The following SCAI variants were observed in gnomAD, a reference collection of about 807,000 sequenced individuals.
SCAI encodes the protein protein SCAI.
A neutral mutation model predicts 92.2 loss-of-function variants in SCAI; 24 were observed. The ratio of observed to expected loss-of-function variants is 0.26; its 90% CI spans 0.19 to 0.37. SCAI has a LOEUF of 0.37. SCAI is among the 10% of genes least tolerant of loss of function. SCAI has a pLI of 1.00. For missense variants in SCAI, 450 were observed against 736.2 expected, an observed-to-expected ratio of 0.61 and a Z score of 4.50; for synonymous variants, 261 against 258.6, an observed-to-expected ratio of 1.01 and a Z score of -0.09.
intron 9 of SCAI, among the ~76,000 whole-genome samples, chr9:125,010,646 A>C (rs1297068842): frequency 6.6e-6 from 1 of 152,220 alleles, no homozygotes; most frequent in Non-Finnish European, 1.5e-5. Flanking sequence ...CTGCAGACTT[A>C]AATGTCCCTG....
At chr9:125,001,139 T>TA (rs979810656) in intron 12 of SCAI, among the ~76,000 whole-genome samples, 2 of 152,186 alleles carry the variant, frequency 1.3e-5, no homozygotes, top group Non-Finnish European at 2.9e-5. Context: ...TTTCACTTCT[T>TA]AAAAAAATCA....
intron 6 of SCAI, among the ~76,000 whole-genome samples, chr9:125,022,838 T>C (rs1476383490): frequency 6.6e-6 from 1 of 152,230 alleles, no homozygotes; most frequent in East Asian, 1.9e-4. Flanking sequence ...TTTGTTTCTA[T>C]TTTATTATTT....
intron 12 of SCAI, among the ~76,000 whole-genome samples, chr9:125,001,519 G>A (rs1021557107): frequency 1.3e-5 from 2 of 152,256 alleles, no homozygotes; most frequent in East Asian, 1.9e-4. Context: ...TCACAGTTAC[G>A]AAAGTACACT....
At chr9:124,968,901 C>A in intron 17 of SCAI, 5 of 431,418 alleles carry the variant, frequency 1.2e-5, no homozygotes, top group Non-Finnish European at 1.7e-5. Context: ...ATCTGTTTTC[C>A]AAACTGTAGG....
intron 9 of SCAI, among the ~76,000 whole-genome samples, chr9:125,004,779 ATTTTTTTTTTT>A (rs869167558): frequency 3.0e-4 from 4 of 13,170 alleles, no homozygotes; most frequent in African/African-American, 9.8e-4. Flanking sequence ...ATATATATAT[ATTTTTTTTTTT>A]TTTTTTTTTT....
At chr9:125,102,940 T>C (rs1404525630) in intron 2 of SCAI, among the ~76,000 whole-genome samples, 1 of 152,062 alleles carries the variant, frequency 6.6e-6, no homozygotes, top group Non-Finnish European at 1.5e-5. Flanking sequence ...ATCTCTCTCT[T>C]TCTCTATACA....
At chr9:125,067,129 C>T (rs1374183051) in intron 2 of SCAI, among the ~76,000 whole-genome samples, 1 of 152,092 alleles carries the variant, frequency 6.6e-6, no homozygotes, top group Non-Finnish European at 1.5e-5. Context: ...ATTCAACAGA[C>T]ACTTGTGGGA....
chr9:124,997,513 C>T (rs894033287), intron 13 of SCAI, among the ~76,000 whole-genome samples: 1 of 152,156 alleles, frequency 6.6e-6, no homozygotes, highest in Non-Finnish European at 1.5e-5. Flanking sequence ...AACCAGATTG[C>T]TCTCAGCTAG....
At chr9:125,109,824 T>C (rs1334084368) in intron 2 of SCAI, among the ~76,000 whole-genome samples, 3 of 152,138 alleles carry the variant, frequency 2.0e-5, no homozygotes, top group Non-Finnish European at 1.5e-5. Context: ...GTAGGTGAGA[T>C]TACAGGCACG....
In SCAI at chr9:124,952,726, A is replaced by C; in HGVS notation, c.*81T>G. ...AAAATAAAAACTAAGTAACACCACT[A>C]TGTGTCTTATCACGTTAGAAAACTG... On this transcript the variant is annotated 3_prime_UTR_variant, in exon 18 of 18. Transcript: ENST00000336505. 1 of 1,138,900 alleles carries C rather than the reference A, an allele frequency of 8.8e-7. No individual in the cohort carries two copies. 70.5% of individuals were successfully genotyped at this position (1,138,900 alleles called of 1,614,324 possible). A position where few individuals can be genotyped will look rare whatever the true frequency, so the allele number is the denominator to read the frequency against.
At chr9:125,034,108 C>T (rs1833140679) in intron 3 of SCAI, among the ~76,000 whole-genome samples, 1 of 151,908 alleles carries the variant, frequency 6.6e-6, no homozygotes, top group South Asian at 2.1e-4. Context: ...TCCCTTAGGC[C>T]TGGTGCAGCA....
intron 17 of SCAI, among the ~76,000 whole-genome samples, chr9:124,955,628 AT>A (rs1267223927): frequency 6.6e-6 from 1 of 151,888 alleles, no homozygotes; most frequent in African/African-American, 2.4e-5. Context: ...CTCAAAAAAA[AT>A]TTTTTTAAAT....
intron 3 of SCAI, among the ~76,000 whole-genome samples, chr9:125,035,056 AT>A (rs1333470868): frequency 6.6e-6 from 1 of 152,170 alleles, no homozygotes; most frequent in East Asian, 1.9e-4. Context: ...AAAACTAAGC[AT>A]GAGAAAAGAA....
chr9:125,019,631 C>A (rs945632514), intron 7 of SCAI, among the ~76,000 whole-genome samples: 1 of 152,026 alleles, frequency 6.6e-6, no homozygotes, highest in African/African-American at 2.4e-5. Flanking sequence ...GAGACCCTAC[C>A]ACTACAAAAA....
intron 8 of SCAI, 30 bp from the exon 9 acceptor site, chr9:125,018,981 A>C (rs1232067011): frequency 1.7e-5 from 28 of 1,605,748 alleles, no homozygotes; most frequent in Non-Finnish European, 2.3e-5. Flanking sequence ...GAACTTAACG[A>C]ATGGCCAAGA....
intron 2 of SCAI, among the ~76,000 whole-genome samples, chr9:125,073,168 G>A (rs1166821999): frequency 1.2e-4 from 16 of 128,574 alleles, no homozygotes; most frequent in East Asian, 2.5e-4. Flanking sequence ...GCAGTGGCGC[G>A]ATCTCGGCTC....
At chr9:125,107,345 G>T (rs1393698707) in intron 2 of SCAI, among the ~76,000 whole-genome samples, 1 of 151,086 alleles carries the variant, frequency 6.6e-6, no homozygotes, top group African/African-American at 2.4e-5. Context: ...GGAGGCGGAG[G>T]TTGCAGTGAG....
intron 3 of SCAI, among the ~76,000 whole-genome samples, chr9:125,039,666 T>C (rs1833280034): frequency 6.6e-6 from 1 of 152,220 alleles, no homozygotes; most frequent in African/African-American, 2.4e-5. Flanking sequence ...AGACAGCTAG[T>C]GGTCTGTGGC....
At chr9:125,019,009 A>T in intron 8 of SCAI, 58 bp from the exon 9 acceptor site, 3 of 1,569,618 alleles carry the variant, frequency 1.9e-6, no homozygotes, top group Non-Finnish European at 2.6e-6. Context: ...TCAATAGAGT[A>T]AGCTATTCCT....
Sources: allele counts gnomAD v4.1 joint callset (sites outside exome capture counted in the v4.1 genomes callset), GRCh38; gene constraint gnomAD v4.1.1; transcripts MANE v1.5; gene names NCBI Gene and HGNC (gene_info 2026-07-23, HGNC 2026-07-21).